CC2D2A: variants seen among roughly 807,000 people sequenced by gnomAD.
CC2D2A encodes the protein coiled-coil and C2 domain-containing protein 2A.
CC2D2A carries 155 observed loss-of-function variants against 212.9 expected under a neutral mutation model. That is an observed-to-expected ratio of 0.73 (90% CI 0.64 to 0.83). The LOEUF is 0.83. CC2D2A is among the 40% of genes least tolerant of loss of function. The pLI is 0.00. For missense variants in CC2D2A, 1,856 were observed against 1,956.2 expected (o/e 0.95, Z 0.97); for synonymous variants, 667 against 686.5 (o/e 0.97, Z 0.44).
In CC2D2A at chr4:15,470,721, A is replaced by C. The variant is rs1288256298; in HGVS notation, c.-19+664A>C. Among the ~76,000 whole-genome samples, 11 of 96,496 alleles carry C rather than the reference A, an allele frequency of 1.1e-4. 1 individual carries two copies. The highest frequency in any genetic ancestry group is 9.2e-4 in the Admixed American group (8 of 8,662). The allele number at this position is 96,496 out of a possible 152,430, so 63.3% of individuals were successfully genotyped here. ...TATATATATATATATATATATATAT[A>C]TATATATATATATCCTAGAGCTCAC... On this transcript the variant is annotated intron_variant, in intron 1 of 36. Coordinates refer to ENST00000424120, the MANE Select transcript of CC2D2A (RefSeq NM_001378615.1).
At chr4:15,543,238 T>C in intron 17 of CC2D2A, among the ~76,000 whole-genome samples, 1 of 152,324 alleles carries the variant, frequency 6.6e-6, no homozygotes, top group African/African-American at 2.4e-5. Context: ...TCTTGAAATT[T>C]TAGAACTTTA....
At chr4:15,476,820 G>A (rs974747087) in intron 2 of CC2D2A, among the ~76,000 whole-genome samples, 1 of 152,164 alleles carries the variant, frequency 6.6e-6, no homozygotes, top group African/African-American at 2.4e-5. Flanking sequence ...AGAGAAGGGA[G>A]GCTGTCTAAT....
chr4:15,579,889 C>A (rs1720580661), intron 29 of CC2D2A, 79 bp from the exon 30 acceptor site: 4 of 1,104,016 alleles, frequency 3.6e-6, no homozygotes, highest in Non-Finnish European at 5.5e-6. Context: ...ACATTTCCTG[C>A]ATGTTGACTG....
chr4:15,549,841 G>C (rs550041789), intron 17 of CC2D2A, among the ~76,000 whole-genome samples: 5 of 152,288 alleles, frequency 3.3e-5, no homozygotes, highest in South Asian at 2.1e-4. Flanking sequence ...TGTAAGGGAG[G>C]GTTGGCGGAA....
At chr4:15,581,634 G>A (rs1720668290) in intron 30 of CC2D2A, among the ~76,000 whole-genome samples, 1 of 152,184 alleles carries the variant, frequency 6.6e-6, no homozygotes, top group African/African-American at 2.4e-5. Context: ...CCTGTCTAAA[G>A]AAGGAACACT....
rs1005290663 is a variant in CC2D2A at position 15,510,828 on chromosome 4, T to A, written c.541-419T>A. On this transcript the variant is annotated intron_variant, in intron 7 of 36. Coordinates refer to ENST00000424120, the MANE Select transcript of CC2D2A (RefSeq NM_001378615.1). The stretch of plus-strand genomic sequence containing the variant: ...TCATTATAGGAAAAAAGGAGAGTAC[T>A]AACTCCAAAAGAGAAACAACAAAAA... Among the ~76,000 whole-genome samples, 5 of 152,250 alleles carry A rather than the reference T, an allele frequency of 3.3e-5. No individual in the cohort carries two copies. In the East Asian group the frequency reaches 7.7e-4, roughly 23 times the overall value.
rs559132055 is a variant in CC2D2A, at chr4:15,501,900, A to G, written c.248-529A>G. Among the ~76,000 whole-genome samples, 5 of 152,336 alleles carry G rather than the reference A, an allele frequency of 3.3e-5. No individual in the cohort carries two copies. The East Asian group carries it at 9.6e-4, about 29-fold the overall frequency. On this transcript the variant is annotated intron_variant, in intron 4 of 36. Coordinates refer to ENST00000424120, the MANE Select transcript of CC2D2A (RefSeq NM_001378615.1). ...GATATTTATGGGTAAATTCAATAAT[A>G]TACACAAAATGTATATTGTCTCTAT...
At chr4:15,511,497 GA>G in intron 8 of CC2D2A, 74 bp downstream of exon 8, 1 of 1,356,160 alleles carries the variant, frequency 7.4e-7, no homozygotes, top group Non-Finnish European at 9.6e-7. Context: ...CTGCAAGAAA[GA>G]AAGTGGCTGA....
chr4:15,490,775 A>G (rs1715255679), intron 4 of CC2D2A, among the ~76,000 whole-genome samples: 1 of 152,190 alleles, frequency 6.6e-6, no homozygotes, highest in African/African-American at 2.4e-5. Context: ...ACAAGCAGAC[A>G]GCCTGGCGCC....
At chr4:15,524,345 C>T (rs1163727439) in intron 11 of CC2D2A, among the ~76,000 whole-genome samples, 2 of 151,908 alleles carry the variant, frequency 1.3e-5, no homozygotes, top group African/African-American at 4.8e-5. Context: ...CTTGGCCAGG[C>T]TGGTCTTGAA....
At chr4:15,571,409 A>G (rs771332525) in intron 28 of CC2D2A, among the ~76,000 whole-genome samples, 30 of 152,172 alleles carry the variant, frequency 2.0e-4, no homozygotes, top group Non-Finnish European at 3.5e-4. Flanking sequence ...AATCGCTTTG[A>G]AGTCCCAGTA....
chr4:15,558,374 G>A (rs73237171), intron 21 of CC2D2A, among the ~76,000 whole-genome samples: 13,864 of 152,154 alleles, frequency 0.091, 772 homozygotes, highest in Non-Finnish European at 0.12. Flanking sequence ...GCACCAAGGG[G>A]AGTTTACTGG....
At chr4:15,540,335 A>C (rs948375470) in intron 16 of CC2D2A, among the ~76,000 whole-genome samples, 2 of 152,058 alleles carry the variant, frequency 1.3e-5, no homozygotes, top group Non-Finnish European at 2.9e-5. Context: ...AAAATAAGGA[A>C]TATTTATTAA....
rs754124890 is a variant in CC2D2A, at chr4:15,502,809, T to C, written c.337-13T>C. 9.4e-6 allele frequency: 15 copies of C among 1,599,784 alleles called. No individual in the cohort carries two copies. Among genetic ancestry groups the C allele is most frequent in the Admixed American group, 1.7e-5 (1 of 58,528 alleles). On this transcript the variant is annotated splice_polypyrimidine_tract_variant and intron_variant, in intron 5 of 36. Transcript: ENST00000424120. Reference sequence around the variant, plus strand: ...GACATCATGTAGCAGTAAATTTCTGTTTGACTTTTTAGTCCAAAGCAGAAA... The same window carrying C: ...GACATCATGTAGCAGTAAATTTCTGCTTGACTTTTTAGTCCAAAGCAGAAA...
intron 9 of CC2D2A, 36 bp downstream of exon 9, chr4:15,514,905 C>T (rs776702812): frequency 6.3e-7 from 1 of 1,592,506 alleles, no homozygotes; most frequent in Non-Finnish European, 8.6e-7. Flanking sequence ...TCAGCTTAGA[C>T]ATCGTCACTT....
chr4:15,500,121 A>G (rs1406215278), intron 4 of CC2D2A, among the ~76,000 whole-genome samples: 3 of 147,792 alleles, frequency 2.0e-5, no homozygotes, highest in African/African-American at 7.6e-5. Context: ...ATATATATAT[A>G]TATATATATA....
intron 26 of CC2D2A, among the ~76,000 whole-genome samples, chr4:15,568,337 A>G (rs573416368): frequency 6.6e-6 from 1 of 152,376 alleles, no homozygotes; most frequent in African/African-American, 2.4e-5. Context: ...TTAAAGCCAC[A>G]CAGTAAATTA....
At chr4:15,479,165 A>C in intron 3 of CC2D2A, 1 of 1,292,016 alleles carries the variant, frequency 7.7e-7, no homozygotes, top group Non-Finnish European at 1.1e-6. Flanking sequence ...CACGATTACA[A>C]ATCTTGGGAA....
intron 4 of CC2D2A, among the ~76,000 whole-genome samples, chr4:15,498,885 A>G (rs1001368491): frequency 1.3e-5 from 2 of 152,154 alleles, no homozygotes; most frequent in African/African-American, 2.4e-5. Context: ...GTTCCTTTCT[A>G]TGTTTTTCCT....
Sources: gnomAD v4.1 joint callset for allele counts (sites outside exome capture counted in the v4.1 genomes callset) on GRCh38, gnomAD v4.1.1 for gene constraint, MANE v1.5 for transcripts, NCBI Gene and HGNC (gene_info 2026-07-23, HGNC 2026-07-21) for gene names.